Variants in RBFOX1 observed in about 807,000 individuals in gnomAD.
RBFOX1 encodes RNA binding protein fox-1 homolog 1.
Under a neutral mutation model 57.7 loss-of-function variants are expected in RBFOX1, and 8 were observed. The ratio of observed to expected loss-of-function variants is 0.14; its 90% confidence interval spans 0.08 to 0.25. The LOEUF (loss-of-function observed/expected upper bound fraction) is 0.25, where lower values mean the gene tolerates loss of function less well. Ranked by LOEUF, RBFOX1 falls within the 10% of genes least tolerant of loss-of-function variation. The pLI is 1.00. For synonymous variants in RBFOX1, 326 were observed against 222.4 expected (o/e 1.47, Z -4.15); for missense variants, 611 against 548.5 (o/e 1.11, Z -1.14).
chr16:6,931,372 C>A (rs1349293062), intron 3 of RBFOX1, among the ~76,000 whole-genome samples: 3 of 148,318 alleles, frequency 2.0e-5, no homozygotes, highest in Non-Finnish European at 4.4e-5. Context: ...CATACATACA[C>A]ATATATACAT....
At chr16:5,712,694 C>T (rs1360925519) in intron 3 of RBFOX1, among the ~76,000 whole-genome samples, 1 of 152,174 alleles carries the variant, frequency 6.6e-6, no homozygotes, top group Non-Finnish European at 1.5e-5. Flanking sequence ...ATAGCAGAGT[C>T]CAGATTTTAA....
chr16:7,247,094 A>T (rs555749906), intron 4 of RBFOX1, among the ~76,000 whole-genome samples: 1 of 152,284 alleles, frequency 6.6e-6, no homozygotes, highest in Admixed American at 6.5e-5. Context: ...GCACTCAGTC[A>T]TGTGTCTGCA....
At chr16:6,202,073 C>A (rs1272157628) in intron 1 of RBFOX1, among the ~76,000 whole-genome samples, 1 of 152,120 alleles carries the variant, frequency 6.6e-6, no homozygotes, top group Non-Finnish European at 1.5e-5. Flanking sequence ...AAAAACAAAA[C>A]AAAACAAACA....
At chr16:6,140,929 A>C (rs938103637) in intron 1 of RBFOX1, among the ~76,000 whole-genome samples, 3 of 152,202 alleles carry the variant, frequency 2.0e-5, no homozygotes, top group African/African-American at 7.2e-5. Flanking sequence ...GGGACACTCC[A>C]GTGGTCAATG....
chr16:6,904,439 G>C (rs974090208), intron 3 of RBFOX1, among the ~76,000 whole-genome samples: 4 of 151,510 alleles, frequency 2.6e-5, no homozygotes, highest in Admixed American at 1.3e-4. Flanking sequence ...CCTGTCCACT[G>C]AAAGTACAAA....
At chr16:6,651,054 C>A (rs1251265890) in intron 2 of RBFOX1, among the ~76,000 whole-genome samples, 1 of 152,182 alleles carries the variant, frequency 6.6e-6, no homozygotes, top group African/African-American at 2.4e-5. Flanking sequence ...AGGCGTGCAC[C>A]AACAAGCCCA....
chr16:7,525,194 C>G (rs922300731), intron 5 of RBFOX1, among the ~76,000 whole-genome samples: 2 of 152,128 alleles, frequency 1.3e-5, no homozygotes, highest in African/African-American at 2.4e-5. Context: ...TATTTCCATT[C>G]TCAAAATTAC....
intron 3 of RBFOX1, among the ~76,000 whole-genome samples, chr16:6,850,141 C>A (rs2093987192): frequency 1.3e-5 from 2 of 152,144 alleles, no homozygotes; most frequent in Non-Finnish European, 2.9e-5. Context: ...CAAGTTCCTG[C>A]ACCCTAGGGT....
intron 3 of RBFOX1, among the ~76,000 whole-genome samples, chr16:5,678,298 TG>T (rs946561319): frequency 1.3e-5 from 2 of 152,176 alleles, no homozygotes; most frequent in Non-Finnish European, 2.9e-5. Flanking sequence ...GACTGTTCTG[TG>T]GTGTCATCTG....
intron 3 of RBFOX1, among the ~76,000 whole-genome samples, chr16:6,790,580 C>T (rs1038317738): frequency 6.6e-6 from 1 of 152,160 alleles, no homozygotes; most frequent in Admixed American, 6.5e-5. Context: ...CATTGTTTTC[C>T]CAACACTGCC....
At chr16:6,725,957 A>AT (rs1228892327) in intron 3 of RBFOX1, among the ~76,000 whole-genome samples, 1 of 152,126 alleles carries the variant, frequency 6.6e-6, no homozygotes, top group African/African-American at 2.4e-5. Context: ...CAGGAAATCT[A>AT]TTTTTTATGT....
chr16:5,967,418 C>A (rs1190230435), intron 4 of RBFOX1, among the ~76,000 whole-genome samples: 2 of 152,086 alleles, frequency 1.3e-5, no homozygotes, highest in African/African-American at 2.4e-5. Context: ...CATTTCTTAA[C>A]CCGGTATTGG....
chr16:6,570,737 G>C (rs1270542404), intron 2 of RBFOX1, among the ~76,000 whole-genome samples: 3 of 152,200 alleles, frequency 2.0e-5, no homozygotes, highest in Admixed American at 2.0e-4. Flanking sequence ...GCAGATGGCA[G>C]AATTTATGTG....
chr16:7,086,718 G>A (rs911796337), intron 4 of RBFOX1, among the ~76,000 whole-genome samples: 3 of 13,224 alleles, frequency 2.3e-4, no homozygotes, highest in Non-Finnish European at 1.2e-4. Flanking sequence ...AGGGAAGAAT[G>A]TATACACACA....
exon 3 of RBFOX1, chr16:5,599,391 G>T: frequency 1.7e-6 from 1 of 590,242 alleles, no homozygotes; most frequent in Non-Finnish European, 3.0e-6. Flanking sequence ...CTGCATCATG[G>T]CATTGGGCTT....
chr16:6,588,443 A>G (rs1232018004), intron 2 of RBFOX1, among the ~76,000 whole-genome samples: 1 of 152,128 alleles, frequency 6.6e-6, no homozygotes, highest in African/African-American at 2.4e-5. Flanking sequence ...GTCTGAGGTC[A>G]GGAGTTCGGG....
At chr16:6,036,005 T>C (rs1240508837) in intron 1 of RBFOX1, among the ~76,000 whole-genome samples, 2 of 152,216 alleles carry the variant, frequency 1.3e-5, no homozygotes, top group Admixed American at 6.5e-5. Context: ...GCTTTACATA[T>C]ACTATCATCC....
At chr16:6,113,511 T>C (rs1352652274) in intron 1 of RBFOX1, among the ~76,000 whole-genome samples, 1 of 152,220 alleles carries the variant, frequency 6.6e-6, no homozygotes. Flanking sequence ...GCAGCCATCC[T>C]GTGGGCATGA....
intron 4 of RBFOX1, among the ~76,000 whole-genome samples, chr16:7,144,327 T>C (rs906020415): frequency 9.2e-5 from 14 of 152,178 alleles, no homozygotes; most frequent in African/African-American, 3.1e-4. Context: ...ACCGTCACTT[T>C]AGGGTTCACA....
Sources: gnomAD v4.1 joint callset for allele counts (sites outside exome capture counted in the v4.1 genomes callset) on GRCh38, gnomAD v4.1.1 for gene constraint, MANE v1.5 for transcripts, NCBI Gene and HGNC (gene_info 2026-07-23, HGNC 2026-07-21) for gene names.